The following EEPD1 variants were observed in gnomAD, a reference collection of about 807,000 sequenced individuals.
The protein encoded by EEPD1 is endonuclease/exonuclease/phosphatase family domain-containing protein 1.
EEPD1 carries 17 observed loss-of-function variants against 46.3 expected under a neutral mutation model. The ratio of observed to expected loss-of-function variants is 0.37; its 90% CI spans 0.25 to 0.55. The LOEUF (loss-of-function observed/expected upper bound fraction) is 0.55, where lower values mean the gene tolerates loss of function less well. Among genes scored for constraint, EEPD1 ranks in the 20% least tolerant of loss-of-function variants. EEPD1 has a pLI of 0.83. For synonymous variants in EEPD1, 313 were observed against 315.6 expected (o/e 0.99, Z 0.09); for missense variants, 673 against 745.6 (o/e 0.90, Z 1.13).
intron 2 of EEPD1, among the ~76,000 whole-genome samples, chr7:36,192,540 A>G (rs1161558059): frequency 6.6e-6 from 1 of 151,924 alleles, no homozygotes; most frequent in African/African-American, 2.4e-5. Flanking sequence ...ACAATTACAT[A>G]CATATTGAAA....
intron 2 of EEPD1, among the ~76,000 whole-genome samples, chr7:36,158,811 T>C (rs561443554): frequency 6.6e-6 from 1 of 152,352 alleles, no homozygotes; most frequent in South Asian, 2.1e-4. Flanking sequence ...TACTTATTTA[T>C]TTTTTGCTGG....
chr7:36,204,889 G>A (rs1040983327), intron 2 of EEPD1, among the ~76,000 whole-genome samples: 2 of 152,210 alleles, frequency 1.3e-5, no homozygotes, highest in African/African-American at 4.8e-5. Flanking sequence ...TGAGATCCTG[G>A]GCTTGATACT....
chr7:36,177,471 A>G (rs1296642738), intron 2 of EEPD1, among the ~76,000 whole-genome samples: 3 of 152,022 alleles, frequency 2.0e-5, no homozygotes, highest in African/African-American at 7.3e-5. Flanking sequence ...CTTTATGTCC[A>G]TGTGTACCTA....
At chr7:36,203,719 A>G (rs1430479888) in intron 2 of EEPD1, among the ~76,000 whole-genome samples, 2 of 152,224 alleles carry the variant, frequency 1.3e-5, no homozygotes, top group Non-Finnish European at 2.9e-5. Context: ...GAAAGTTGCC[A>G]TTCTCTCACT....
intron 3 of EEPD1, among the ~76,000 whole-genome samples, chr7:36,263,453 G>C (rs564763878): frequency 3.5e-4 from 54 of 152,320 alleles, no homozygotes; most frequent in African/African-American, 1.2e-3. Context: ...CCTGTTAGTG[G>C]CTTCCTCCAC....
At chr7:36,183,510 T>A (rs1017378198) in intron 2 of EEPD1, among the ~76,000 whole-genome samples, 1 of 152,160 alleles carries the variant, frequency 6.6e-6, no homozygotes, top group Non-Finnish European at 1.5e-5. Flanking sequence ...CCAATCTGTT[T>A]GTGAGCTTCA....
intron 2 of EEPD1, among the ~76,000 whole-genome samples, chr7:36,191,170 G>C (rs1785454374): frequency 6.6e-6 from 1 of 152,214 alleles, no homozygotes; most frequent in African/African-American, 2.4e-5. Flanking sequence ...GAGAAGTCCT[G>C]GTTTGTGCCA....
intron 3 of EEPD1, among the ~76,000 whole-genome samples, chr7:36,240,475 G>A (rs34725500): frequency 0.38 from 57,893 of 151,966 alleles, 11,917 homozygotes; most frequent in Non-Finnish European, 0.46. Context: ...AAAGTGAGAA[G>A]CAAATGAGTT....
intron 3 of EEPD1, among the ~76,000 whole-genome samples, chr7:36,250,724 A>AAAGG (rs1422277153): frequency 6.6e-6 from 1 of 152,110 alleles, no homozygotes; most frequent in Non-Finnish European, 1.5e-5. Context: ...ATCAGATGAA[A>AAAGG]GCTTCATGCC....
At chr7:36,241,353 G>A (rs1223282420) in intron 3 of EEPD1, among the ~76,000 whole-genome samples, 1 of 151,852 alleles carries the variant, frequency 6.6e-6, no homozygotes, top group African/African-American at 2.4e-5. Context: ...TGCACCTGTA[G>A]TCCCAGCTAC....
At chr7:36,179,939 C>T (rs1785244701) in intron 2 of EEPD1, among the ~76,000 whole-genome samples, 1 of 152,114 alleles carries the variant, frequency 6.6e-6, no homozygotes, top group African/African-American at 2.4e-5. Flanking sequence ...CCACCCCTGG[C>T]TTGCACTCTC....
At chr7:36,176,990 A>T (rs756746308) in intron 2 of EEPD1, among the ~76,000 whole-genome samples, 3 of 152,320 alleles carry the variant, frequency 2.0e-5, no homozygotes, top group Middle Eastern at 3.4e-3. Flanking sequence ...ATTTTTAGAG[A>T]CAGAAAGCGG....
At position 36,155,138 on chromosome 7, in the gene EEPD1, T is replaced by G. The variant is rs1784807069; in HGVS notation, c.814T>G (p.Ser272Ala). 1 of 1,534,194 alleles carries G rather than the reference T, an allele frequency of 6.5e-7. No homozygotes were observed. Among genetic ancestry groups the G allele is most frequent in the Admixed American group, 2.1e-5 (1 of 46,894 alleles). The part of the protein sequence containing the change: ...RLATWNLQGC[S>A]VEKANNPGVR... ...GGCCACCTGGAACTTGCAGGGCTGT[T>G]CCGTGGAGAAGGCCAACAACCCCGG... Residue 272 changes from serine to alanine, a missense_variant, in exon 2 of 8, where the codon TCC (serine) becomes GCC (alanine). By Grantham distance (99) the Ser-to-Ala change is moderately conservative (BLOSUM62 1). Coordinates refer to ENST00000242108, the MANE Select transcript of EEPD1 (RefSeq NM_030636.3).
At chr7:36,291,131 G>A (rs1390651023) in intron 6 of EEPD1, among the ~76,000 whole-genome samples, 1 of 152,172 alleles carries the variant, frequency 6.6e-6, no homozygotes, top group East Asian at 1.9e-4. Flanking sequence ...ACCTTTGCAG[G>A]CCTGCATCCC....
chr7:36,297,758 C>G (rs1787550152), intron 7 of EEPD1, among the ~76,000 whole-genome samples: 1 of 152,200 alleles, frequency 6.6e-6, no homozygotes, highest in African/African-American at 2.4e-5. Context: ...ATGCTCAGTG[C>G]TCTGCAAGGA....
chr7:36,239,240 A>G (rs899274798), intron 3 of EEPD1, among the ~76,000 whole-genome samples: 1 of 152,140 alleles, frequency 6.6e-6, no homozygotes, highest in South Asian at 2.1e-4. Flanking sequence ...ACTCGGCTGT[A>G]CCTGGCTCCC....
chr7:36,216,937 CTGA>C (rs2115736558), intron 2 of EEPD1, among the ~76,000 whole-genome samples: 1 of 152,302 alleles, frequency 6.6e-6, no homozygotes, highest in African/African-American at 2.4e-5. Context: ...AGAATTATAG[CTGA>C]TGTTTCCTTT....
intron 6 of EEPD1, among the ~76,000 whole-genome samples, chr7:36,288,730 C>G (rs1002336249): frequency 1.3e-5 from 2 of 151,544 alleles, no homozygotes; most frequent in Non-Finnish European, 2.9e-5. Flanking sequence ...CCACTGTACT[C>G]CAGTCTGGGC....
chr7:36,245,081 G>T (rs1317573263), intron 3 of EEPD1, among the ~76,000 whole-genome samples: 1 of 152,074 alleles, frequency 6.6e-6, no homozygotes, highest in Non-Finnish European at 1.5e-5. Context: ...GAGTAGCTGG[G>T]ATTACAGGTG....
Sources: allele counts gnomAD v4.1 joint callset (sites outside exome capture counted in the v4.1 genomes callset), GRCh38; gene constraint gnomAD v4.1.1; transcripts MANE v1.5; gene names NCBI Gene and HGNC (gene_info 2026-07-23, HGNC 2026-07-21).